Variants in TMEM132D observed in about 807,000 individuals in gnomAD.
TMEM132D encodes the protein mature OL transmembrane protein.
A neutral mutation model predicts 62.3 loss-of-function variants in TMEM132D; 21 were observed. The ratio of observed to expected loss-of-function variants is 0.34; its 90% CI spans 0.24 to 0.49. The LOEUF (loss-of-function observed/expected upper bound fraction) is 0.49. Among genes scored for constraint, TMEM132D ranks in the 20% least tolerant of loss-of-function variants. The pLI is 0.99. For synonymous variants in TMEM132D, 621 were observed against 575.6 expected (o/e 1.08, Z -1.13); for missense variants, 1,346 against 1,402.8 (o/e 0.96, Z 0.65).
chr12:129,467,882 A>C (rs1187584099), intron 3 of TMEM132D, among the ~76,000 whole-genome samples: 1 of 152,176 alleles, frequency 6.6e-6, no homozygotes, highest in Non-Finnish European at 1.5e-5. Context: ...GGAAGGAGGC[A>C]AGCCCAGAAC....
intron 2 of TMEM132D, among the ~76,000 whole-genome samples, chr12:129,568,676 T>TA (rs1877432584): frequency 6.6e-6 from 1 of 152,234 alleles, no homozygotes; most frequent in Admixed American, 6.5e-5. Context: ...ACAAACTTCT[T>TA]ATGTTTGGTT....
intron 4 of TMEM132D, among the ~76,000 whole-genome samples, chr12:129,275,330 T>A (rs913291302): frequency 6.6e-6 from 1 of 152,090 alleles, no homozygotes; most frequent in Non-Finnish European, 1.5e-5. Context: ...CTCAAGTCTA[T>A]TTAAAGAAGA....
At position 129,709,281 on chromosome 12, in the gene TMEM132D, G is replaced by A. The variant is rs1316972712; in HGVS notation, c.80-8583C>T. Among the ~76,000 whole-genome samples the A allele has an allele frequency of 2.6e-5, 4 of 152,260 alleles. No individual in the cohort carries two copies. In the South Asian group the frequency reaches 6.2e-4, roughly 24 times the overall value. On this transcript the variant is annotated intron_variant, in intron 1 of 8. Coordinates refer to ENST00000422113, the MANE Select transcript of TMEM132D (RefSeq NM_133448.3). Reference sequence around the variant, plus strand: ...CATTGTATATCTAAGAATCCATTGTGAGGAAATACAGAAATACTCTGAAAA... The same window carrying A: ...CATTGTATATCTAAGAATCCATTGTAAGGAAATACAGAAATACTCTGAAAA...
intron 2 of TMEM132D, among the ~76,000 whole-genome samples, chr12:129,591,978 A>C (rs1449117337): frequency 1.3e-5 from 2 of 152,336 alleles, no homozygotes; most frequent in South Asian, 2.1e-4. Context: ...ATTAACCTAA[A>C]GATTTTGCAC....
At chr12:129,752,611 G>C (rs1870036430) in intron 1 of TMEM132D, among the ~76,000 whole-genome samples, 2 of 152,222 alleles carry the variant, frequency 1.3e-5, no homozygotes, top group Admixed American at 6.5e-5. Flanking sequence ...CCGCATGCAA[G>C]AGCAGCAGTG....
rs374420497 is a variant in TMEM132D at position 129,439,756 on chromosome 12, GTTTTT to G, written c.1115+91298_1115+91302del. On this transcript the variant is annotated intron_variant, in intron 3 of 8. Coordinates refer to ENST00000422113, the MANE Select transcript of TMEM132D (RefSeq NM_133448.3). ...CGTGAGCCACTGTGACTGGCCTGGA[GTTTTT>G]TTTAAGTGTTGTAAATTTTACTAAA... 7.9e-5 allele frequency among the ~76,000 whole-genome samples: 12 copies of G among 152,104 alleles called. No individual in the cohort carries two copies. In the East Asian group the frequency reaches 1.9e-3, roughly 25 times the overall value.
intron 2 of TMEM132D, among the ~76,000 whole-genome samples, chr12:129,565,168 CATCAGATGAGATTCATATTG>C (rs1877335036): frequency 6.6e-6 from 1 of 152,206 alleles, no homozygotes; most frequent in African/African-American, 2.4e-5. Flanking sequence ...GCAACACTGC[CATCAGATGAGATTCATATTG>C]ATCACCAGCC....
intron 3 of TMEM132D, among the ~76,000 whole-genome samples, chr12:129,422,297 T>A (rs1376529668): frequency 6.6e-6 from 1 of 152,144 alleles, no homozygotes; most frequent in East Asian, 1.9e-4. Flanking sequence ...TATTGCTGTA[T>A]CAATGTCACA....
At chr12:129,567,462 A>T (rs1877399561) in intron 2 of TMEM132D, among the ~76,000 whole-genome samples, 1 of 152,232 alleles carries the variant, frequency 6.6e-6, no homozygotes, top group African/African-American at 2.4e-5. Flanking sequence ...TATATGCAAT[A>T]ATCTGAAAAA....
intron 4 of TMEM132D, among the ~76,000 whole-genome samples, chr12:129,235,279 T>A (rs1190340239): frequency 6.6e-6 from 1 of 152,114 alleles, no homozygotes; most frequent in East Asian, 1.9e-4. Flanking sequence ...TAAGAATAAA[T>A]AAAAATAAAT....
intron 1 of TMEM132D, among the ~76,000 whole-genome samples, chr12:129,732,690 G>A (rs566425016): frequency 6.6e-5 from 10 of 152,182 alleles, no homozygotes; most frequent in Non-Finnish European, 1.3e-4. Flanking sequence ...TGTACAGCCT[G>A]CAGAACCATG....
chr12:129,541,825 G>A (rs1298927059), intron 2 of TMEM132D, among the ~76,000 whole-genome samples: 1 of 152,116 alleles, frequency 6.6e-6, no homozygotes, highest in African/African-American at 2.4e-5. Context: ...TTTTAGCTAT[G>A]ATGATGATTA....
intron 4 of TMEM132D, among the ~76,000 whole-genome samples, chr12:129,240,185 T>C (rs1335188603): frequency 1.3e-5 from 2 of 152,152 alleles, no homozygotes; most frequent in Non-Finnish European, 2.9e-5. Context: ...CTGCTAAAGT[T>C]TTGTTGTGTA....
At chr12:129,382,812 A>C (rs1223102436) in intron 3 of TMEM132D, among the ~76,000 whole-genome samples, 1 of 152,128 alleles carries the variant, frequency 6.6e-6, no homozygotes, top group East Asian at 1.9e-4. Flanking sequence ...ATATACCCAA[A>C]GACAGGGGGA....
chr12:129,502,221 G>A (rs531210929), intron 3 of TMEM132D, among the ~76,000 whole-genome samples: 2 of 151,844 alleles, frequency 1.3e-5, no homozygotes, highest in Admixed American at 1.3e-4. Flanking sequence ...GGATGGTCTT[G>A]ATCTCCTGAC....
chr12:129,431,357 T>C (rs1384154420), intron 3 of TMEM132D, among the ~76,000 whole-genome samples: 1 of 152,200 alleles, frequency 6.6e-6, no homozygotes, highest in Admixed American at 6.5e-5. Context: ...GCCAAATTTC[T>C]TCCCTGTTTA....
intron 4 of TMEM132D, among the ~76,000 whole-genome samples, chr12:129,325,157 T>C (rs1261276260): frequency 6.6e-6 from 1 of 152,188 alleles, no homozygotes; most frequent in Non-Finnish European, 1.5e-5. Flanking sequence ...AGCACCAGCA[T>C]GGTTACTGAG....
intron 1 of TMEM132D, among the ~76,000 whole-genome samples, chr12:129,802,907 G>A (rs1052145808): frequency 6.6e-6 from 1 of 151,286 alleles, no homozygotes; most frequent in Non-Finnish European, 1.5e-5. Flanking sequence ...TGATAAAACA[G>A]ACTTTAAACC....
At chr12:129,550,591 C>A (rs535020928) in intron 2 of TMEM132D, among the ~76,000 whole-genome samples, 45 of 152,328 alleles carry the variant, frequency 3.0e-4, no homozygotes, top group Middle Eastern at 3.4e-3. Flanking sequence ...AACCATTTCA[C>A]AGCCATTACC....
Sources: allele counts gnomAD v4.1 joint callset (sites outside exome capture counted in the v4.1 genomes callset), GRCh38; gene constraint gnomAD v4.1.1; transcripts MANE v1.5; gene names NCBI Gene and HGNC (gene_info 2026-07-23, HGNC 2026-07-21).